CNTNAP5: variants seen among roughly 807,000 people sequenced by gnomAD.
The protein encoded by CNTNAP5 is contactin associated protein family member 5.
A neutral mutation model predicts 150.2 loss-of-function variants in CNTNAP5; 72 were observed. The ratio of observed to expected loss-of-function variants is 0.48; its 90% CI spans 0.40 to 0.58. CNTNAP5 has a LOEUF of 0.58. Ranked by LOEUF, CNTNAP5 falls within the 20% of genes least tolerant of loss-of-function variation. The pLI is 0.00. For missense variants in CNTNAP5, 1,636 were observed against 1,626.2 expected, an observed-to-expected ratio of 1.01 and a Z score of -0.10; for synonymous variants, 672 against 619.8, an observed-to-expected ratio of 1.08 and a Z score of -1.25.
At position 124,911,501 on chromosome 2, in the gene CNTNAP5, C is replaced by T. The variant is rs749168281; in HGVS notation, c.3690C>T (p.Leu1230=). Residue 1230 remains leucine (L), a synonymous_variant, in exon 23 of 24, where the codon CTC becomes CTT. Coordinates refer to ENST00000682447, the MANE Select transcript of CNTNAP5 (RefSeq NM_001367498.1). ...GGAAGACAGATGAGCGGGAACCACT[C>T]ACAAATGCTGTTCGAAGTGATTCGG... The part of the protein sequence containing the change: ...PFGKTDEREP[L]TNAVRSDSAV... 2 of 1,602,458 alleles carry T rather than the reference C, an allele frequency of 1.2e-6. No homozygotes were observed. The highest frequency in any genetic ancestry group is 1.1e-5 in the South Asian group (1 of 88,884).
chr2:124,087,553 T>G (rs1192698139), intron 1 of CNTNAP5, among the ~76,000 whole-genome samples: 1 of 151,642 alleles, frequency 6.6e-6, no homozygotes, highest in African/African-American at 2.4e-5. Context: ...GAAACCCCAT[T>G]TCTACTAAAA....
intron 18 of CNTNAP5, among the ~76,000 whole-genome samples, chr2:124,793,993 G>T (rs1681791475): frequency 6.6e-6 from 1 of 152,112 alleles, no homozygotes; most frequent in Non-Finnish European, 1.5e-5. Flanking sequence ...CTTCCTTCTA[G>T]TTTTTTATCC....
At chr2:124,788,355 G>C (rs1372027381) in intron 17 of CNTNAP5, among the ~76,000 whole-genome samples, 1 of 152,106 alleles carries the variant, frequency 6.6e-6, no homozygotes, top group African/African-American at 2.4e-5. Context: ...AAATCTTCAA[G>C]ATATATCCTC....
intron 1 of CNTNAP5, among the ~76,000 whole-genome samples, chr2:124,194,386 TATATATATATATATATATATATATAA>T (rs1211809316): frequency 6.5e-3 from 67 of 10,346 alleles, no homozygotes; most frequent in African/African-American, 0.017. Flanking sequence ...TATATATATA[TATATATATATATATATATATATATAA>T]ATATAAATAG....
At chr2:124,492,568 G>A (rs918859153) in intron 7 of CNTNAP5, among the ~76,000 whole-genome samples, 14 of 151,966 alleles carry the variant, frequency 9.2e-5, no homozygotes, top group Middle Eastern at 3.4e-3. Context: ...AGTCTTTTTC[G>A]GTTTCATACA....
At chr2:124,030,970 C>T (rs966064466) in intron 1 of CNTNAP5, among the ~76,000 whole-genome samples, 1 of 152,080 alleles carries the variant, frequency 6.6e-6, no homozygotes, top group Non-Finnish European at 1.5e-5. Flanking sequence ...TGATCTGGCT[C>T]TGCTAAACCT....
intron 1 of CNTNAP5, among the ~76,000 whole-genome samples, chr2:124,114,529 A>G (rs994651063): frequency 6.6e-6 from 1 of 151,922 alleles, no homozygotes; most frequent in Non-Finnish European, 1.5e-5. Flanking sequence ...GAATTTTATC[A>G]CATTTTTTGT....
chr2:124,424,760 A>G (rs1692199506), intron 4 of CNTNAP5, among the ~76,000 whole-genome samples: 1 of 152,216 alleles, frequency 6.6e-6, no homozygotes, highest in Admixed American at 6.5e-5. Flanking sequence ...AGATACAAAA[A>G]TAAATAAGAC....
chr2:124,642,686 A>C (rs1204304682), intron 12 of CNTNAP5, among the ~76,000 whole-genome samples: 1 of 152,206 alleles, frequency 6.6e-6, no homozygotes, highest in Admixed American at 6.5e-5. Context: ...GACATTTGTC[A>C]TTCTTGTGTA....
At chr2:124,768,307 G>GTATGTA (rs1553440080) in intron 16 of CNTNAP5, among the ~76,000 whole-genome samples, 5 of 144,618 alleles carry the variant, frequency 3.5e-5, no homozygotes, top group Non-Finnish European at 6.2e-5. Flanking sequence ...GTGTGTGTGT[G>GTATGTA]TGTATATGTA....
At chr2:124,193,560 G>A (rs1362842110) in intron 1 of CNTNAP5, among the ~76,000 whole-genome samples, 1 of 152,152 alleles carries the variant, frequency 6.6e-6, no homozygotes, top group Non-Finnish European at 1.5e-5. Context: ...GCATGGGGAA[G>A]AAATATCCCT....
intron 3 of CNTNAP5, among the ~76,000 whole-genome samples, chr2:124,372,534 G>A (rs1208070630): frequency 3.3e-5 from 5 of 152,044 alleles, no homozygotes; most frequent in Non-Finnish European, 4.4e-5. Context: ...ACAAGACCTA[G>A]GAACCAACTT....
At chr2:124,459,319 C>G (rs928594634) in intron 6 of CNTNAP5, among the ~76,000 whole-genome samples, 1 of 152,158 alleles carries the variant, frequency 6.6e-6, no homozygotes, top group African/African-American at 2.4e-5. Flanking sequence ...TGAAAACTTA[C>G]ATCATTTGCC....
At position 124,198,724 on chromosome 2, in the gene CNTNAP5, A is replaced by T. The variant is rs1032563758; in HGVS notation, c.83-22981A>T. 2.2e-4 allele frequency among the ~76,000 whole-genome samples: 34 copies of T among 152,226 alleles called. 1 individual carries two copies. Among genetic ancestry groups the T allele is most frequent in the African/African-American group, 7.9e-4 (33 of 41,556 alleles). On this transcript the variant is annotated intron_variant, in intron 1 of 23. Coordinates refer to ENST00000682447, the MANE Select transcript of CNTNAP5 (RefSeq NM_001367498.1). ...TGCTTAAGAAATAGTTTTTTAGCTT[A>T]AAGTCATAAAGACATTGTCTTACAT...
At chr2:124,254,638 A>T (rs1485189594) in intron 3 of CNTNAP5, among the ~76,000 whole-genome samples, 9 of 152,242 alleles carry the variant, frequency 5.9e-5, no homozygotes, top group Non-Finnish European at 1.2e-4. Context: ...GTCAGTTCCC[A>T]GTAAAATCAT....
chr2:124,894,160 CTT>C (rs1678257118), intron 21 of CNTNAP5, among the ~76,000 whole-genome samples: 1 of 151,902 alleles, frequency 6.6e-6, no homozygotes, highest in Non-Finnish European at 1.5e-5. Context: ...TTTAGAAAGA[CTT>C]TTAACAAATA....
intron 21 of CNTNAP5, among the ~76,000 whole-genome samples, chr2:124,898,530 T>C (rs1476554861): frequency 6.6e-6 from 1 of 151,546 alleles, no homozygotes; most frequent in Non-Finnish European, 1.5e-5. Flanking sequence ...CTAGATTTAA[T>C]AGAGGAGCAT....
At chr2:124,755,459 G>A (rs1036149511) in intron 14 of CNTNAP5, among the ~76,000 whole-genome samples, 4 of 152,174 alleles carry the variant, frequency 2.6e-5, no homozygotes, top group Admixed American at 1.3e-4. Flanking sequence ...TACACAAGGA[G>A]ACATTCCTTA....
chr2:124,233,635 ATCCCTTTCTCTC>A (rs1208544671), intron 2 of CNTNAP5, among the ~76,000 whole-genome samples: 3 of 151,728 alleles, frequency 2.0e-5, no homozygotes, highest in Non-Finnish European at 4.4e-5. Flanking sequence ...TCTTCATTCT[ATCCCTTTCTCTC>A]TCCCTTTCTC....
Sources: gnomAD v4.1 joint callset for allele counts (sites outside exome capture counted in the v4.1 genomes callset) on GRCh38, gnomAD v4.1.1 for gene constraint, MANE v1.5 for transcripts, NCBI Gene and HGNC (gene_info 2026-07-23, HGNC 2026-07-21) for gene names.